Variants in ROBO1 observed in about 807,000 individuals in gnomAD.
ROBO1 encodes the protein roundabout homolog 1.
A neutral mutation model predicts 195.9 loss-of-function variants in ROBO1; 149 were observed. That is an observed-to-expected ratio of 0.76 (90% CI 0.67 to 0.87). The LOEUF is 0.87. Ranked by LOEUF, ROBO1 falls within the 40% of genes least tolerant of loss-of-function variation. The pLI is 0.00. For synonymous variants in ROBO1, 816 were observed against 733.2 expected (o/e 1.11, Z -1.82); for missense variants, 1,933 against 2,068.3 (o/e 0.93, Z 1.27).
At chr3:79,045,651 T>G (rs2078576862) in intron 3 of ROBO1, among the ~76,000 whole-genome samples, 1 of 152,130 alleles carries the variant, frequency 6.6e-6, no homozygotes, top group East Asian at 1.9e-4. Flanking sequence ...TCAGCTATTG[T>G]GCATTAAAAA....
intron 1 of ROBO1, among the ~76,000 whole-genome samples, chr3:79,611,215 G>A (rs537872712): frequency 9.2e-5 from 14 of 151,854 alleles, no homozygotes; most frequent in Middle Eastern, 3.4e-3. Context: ...AAAATTCCAC[G>A]GTTCTTCAGT....
chr3:79,068,652 C>G (rs1326347949), intron 3 of ROBO1, among the ~76,000 whole-genome samples: 1 of 151,808 alleles, frequency 6.6e-6, no homozygotes, highest in Non-Finnish European at 1.5e-5. Flanking sequence ...CATTTGCTCT[C>G]TTCTCTGTTT....
At chr3:78,996,743 T>C (rs2077377405) in intron 3 of ROBO1, among the ~76,000 whole-genome samples, 1 of 151,966 alleles carries the variant, frequency 6.6e-6, no homozygotes, top group Non-Finnish European at 1.5e-5. Flanking sequence ...CCTTTTGAAC[T>C]TCAGGCTAAC....
intron 2 of ROBO1, among the ~76,000 whole-genome samples, chr3:79,224,871 G>A (rs938023520): frequency 2.0e-5 from 3 of 152,172 alleles, no homozygotes; most frequent in African/African-American, 4.8e-5. Context: ...CCAATGTGAG[G>A]AGAAAGAGGC....
At chr3:78,691,784 T>G (rs1048040042) in intron 8 of ROBO1, among the ~76,000 whole-genome samples, 12 of 152,094 alleles carry the variant, frequency 7.9e-5, no homozygotes, top group African/African-American at 2.9e-4. Context: ...TAACAACAGA[T>G]TCTCCTCTTA....
intron 2 of ROBO1, among the ~76,000 whole-genome samples, chr3:79,569,346 A>G (rs924642244): frequency 3.3e-5 from 5 of 152,222 alleles, no homozygotes; most frequent in African/African-American, 1.2e-4. Context: ...TGTGCTGATA[A>G]AGAGATTAAA....
intron 4 of ROBO1, among the ~76,000 whole-genome samples, chr3:78,841,061 C>CAA (rs35964780): frequency 7.2e-4 from 86 of 118,824 alleles, no homozygotes; most frequent in African/African-American, 1.5e-3. Context: ...GACTGTGTCT[C>CAA]AAAAAAAAAA....
intron 1 of ROBO1, among the ~76,000 whole-genome samples, chr3:79,612,164 T>A (rs1944680081): frequency 6.7e-6 from 1 of 149,944 alleles, no homozygotes; most frequent in Non-Finnish European, 1.5e-5. Context: ...TATCTCCCGA[T>A]GCTATCCCTC....
intron 1 of ROBO1, among the ~76,000 whole-genome samples, chr3:79,750,272 A>G (rs1326485999): frequency 1.3e-5 from 2 of 152,214 alleles, no homozygotes; most frequent in African/African-American, 2.4e-5. Flanking sequence ...CTGTACTTCC[A>G]TTGTATCTAG....
At chr3:78,673,560 TTTTATATATATATATATATA>T (rs1286956753) in intron 10 of ROBO1, among the ~76,000 whole-genome samples, 5 of 74,604 alleles carry the variant, frequency 6.7e-5, no homozygotes, top group Admixed American at 2.0e-4. Context: ...GTTACATATA[TTTTATATATATATATATATA>T]TATATATATA....
At position 79,377,069 on chromosome 3, in the gene ROBO1, CGAA is replaced by C. The variant is rs1291816350; in HGVS notation, c.88+212752_88+212754del. ...TAAAGGAATTAAAAAGTGAACCAGC[CGAA>C]GAAGGCAAGTTTTTCAAGCCACTGA... On this transcript the variant is annotated intron_variant, in intron 2 of 30. Coordinates refer to ENST00000464233, the MANE Select transcript of ROBO1 (RefSeq NM_002941.4). Among the ~76,000 whole-genome samples the C allele has an allele frequency of 5.9e-5, 9 of 151,478 alleles. 1 individual carries two copies. In the East Asian group the frequency reaches 1.4e-3, roughly 23 times the overall value.
intron 4 of ROBO1, among the ~76,000 whole-genome samples, chr3:78,773,422 T>C (rs2083426316): frequency 6.6e-6 from 1 of 152,126 alleles, no homozygotes; most frequent in Non-Finnish European, 1.5e-5. Context: ...TGAAATTTCT[T>C]ACATCAACAT....
At chr3:79,522,002 CATGTT>C (rs1458711951) in intron 2 of ROBO1, among the ~76,000 whole-genome samples, 2 of 152,062 alleles carry the variant, frequency 1.3e-5, no homozygotes, top group African/African-American at 4.8e-5. Flanking sequence ...GTAGGATTGT[CATGTT>C]AAGACAATTA....
At chr3:79,328,741 G>T (rs895127496) in intron 2 of ROBO1, among the ~76,000 whole-genome samples, 7 of 151,982 alleles carry the variant, frequency 4.6e-5, no homozygotes, top group Non-Finnish European at 7.4e-5. Flanking sequence ...AGAGTACACT[G>T]TACCCAACGT....
intron 2 of ROBO1, among the ~76,000 whole-genome samples, chr3:79,249,189 G>T (rs1486689415): frequency 1.3e-5 from 2 of 152,090 alleles, no homozygotes; most frequent in African/African-American, 2.4e-5. Context: ...ATACAGTTTT[G>T]ACCAATACGT....
intron 3 of ROBO1, among the ~76,000 whole-genome samples, chr3:79,099,330 G>T (rs1325776410): frequency 6.6e-6 from 1 of 151,722 alleles, no homozygotes; most frequent in East Asian, 1.9e-4. Context: ...GGTGCAAACA[G>T]TCTAGGAAAT....
Position 79,276,867 on chromosome 3 carries a change from T to C in ROBO1, c.89-151328A>G, listed in dbSNP as rs2031078867. Among the ~76,000 whole-genome samples the C allele has an allele frequency of 2.0e-5, 3 of 152,160 alleles. No individual in the cohort carries two copies. In the South Asian group the frequency reaches 6.2e-4, roughly 32 times the overall value. ...AAATGGCAACAGGTTTATGAAAAAG[T>C]GCTCAACACAATTGATCATCAGATA... On this transcript the variant is annotated intron_variant, in intron 2 of 30. Transcript: ENST00000464233.
intron 2 of ROBO1, among the ~76,000 whole-genome samples, chr3:79,331,778 T>G (rs959221289): frequency 3.3e-5 from 5 of 152,224 alleles, no homozygotes; most frequent in Non-Finnish European, 7.3e-5. Context: ...CCAGTTTCTC[T>G]GGTCTCACAG....
Position 78,925,803 on chromosome 3 carries a change from T to A in ROBO1, c.499+12798A>T, listed in dbSNP as rs117537365. Among the ~76,000 whole-genome samples, 103 of 151,866 alleles carry A rather than the reference T, an allele frequency of 6.8e-4. 2 individuals carry two copies. In the East Asian group the frequency reaches 0.012, roughly 17 times the overall value. On this transcript the variant is annotated intron_variant, in intron 4 of 30. Transcript: ENST00000464233. ...GGTTACCTTTAACTTGTGGTGGGTG[T>A]GGGAGGAGTGGGGATAAAGAAAAAG...
Sources: allele counts gnomAD v4.1 joint callset (sites outside exome capture counted in the v4.1 genomes callset), GRCh38; gene constraint gnomAD v4.1.1; transcripts MANE v1.5; gene names NCBI Gene and HGNC (gene_info 2026-07-23, HGNC 2026-07-21).